The following SEMA5A variants were observed in gnomAD, a reference collection of about 807,000 sequenced individuals.
The protein encoded by SEMA5A is semaphorin 5A, also known as semaphorin-5A.
A neutral mutation model predicts 135.5 loss-of-function variants in SEMA5A; 55 were observed. The observed-to-expected ratio is 0.41, with a 90% CI of 0.33 to 0.51. SEMA5A has a LOEUF of 0.51. Ranked by LOEUF, SEMA5A falls within the 20% of genes least tolerant of loss-of-function variation. The pLI is 0.37. For synonymous variants in SEMA5A, 580 were observed against 546.5 expected (o/e 1.06, Z -0.85); for missense variants, 1,290 against 1,419.9 (o/e 0.91, Z 1.47).
chr5:9,368,838 G>C (rs1329259088), intron 3 of SEMA5A, among the ~76,000 whole-genome samples: 1 of 152,068 alleles, frequency 6.6e-6, no homozygotes, highest in African/African-American at 2.4e-5. Flanking sequence ...TAAGAATAAA[G>C]CTTCTATAAA....
intron 1 of SEMA5A, among the ~76,000 whole-genome samples, chr5:9,503,935 G>A (rs898217619): frequency 6.6e-6 from 1 of 152,142 alleles, no homozygotes; most frequent in African/African-American, 2.4e-5. Flanking sequence ...TACATTTCAC[G>A]GCTGGGCGCG....
At chr5:9,142,614 T>A (rs1742124749) in intron 12 of SEMA5A, among the ~76,000 whole-genome samples, 1 of 152,218 alleles carries the variant, frequency 6.6e-6, no homozygotes, top group Non-Finnish European at 1.5e-5. Context: ...GTCCCATTCC[T>A]AAGTACCATG....
intron 12 of SEMA5A, among the ~76,000 whole-genome samples, chr5:9,142,353 A>G (rs1424564717): frequency 2.6e-5 from 4 of 152,162 alleles, no homozygotes; most frequent in African/African-American, 9.7e-5. Context: ...GAGAACTTGG[A>G]GAGTTTGAAG....
intron 5 of SEMA5A, among the ~76,000 whole-genome samples, chr5:9,253,088 A>G (rs112928564): frequency 2.0e-4 from 31 of 152,244 alleles, no homozygotes; most frequent in African/African-American, 7.5e-4. Context: ...ATTCCTCCCT[A>G]TGCTATCACA....
In SEMA5A at chr5:9,444,233, A is replaced by C. The variant is rs79362613; in HGVS notation, c.-174-6381T>G. Among the ~76,000 whole-genome samples the C allele has an allele frequency of 1.4e-4, 21 of 151,704 alleles. 1 individual carries two copies. The highest frequency in any genetic ancestry group is 4.9e-4 in the African/African-American group (20 of 41,226). On this transcript the variant is annotated intron_variant, in intron 1 of 22. Coordinates refer to ENST00000382496, the MANE Select transcript of SEMA5A (RefSeq NM_003966.3). ...TGGGGAAAAGGTGGTGTTTGGTTAC[A>C]TGAGTAAGTGTAACCAAACTTTTGT...
Position 9,489,546 on chromosome 5 carries a change from G to A in SEMA5A, c.-174-51694C>T, listed in dbSNP as rs376055918. Among the ~76,000 whole-genome samples, 190 of 152,210 alleles carry A rather than the reference G, an allele frequency of 1.2e-3. 3 individuals carry two copies. The South Asian group carries it at 0.037, about 30-fold the overall frequency. On this transcript the variant is annotated intron_variant, in intron 1 of 22. Coordinates refer to ENST00000382496, the MANE Select transcript of SEMA5A (RefSeq NM_003966.3). Reference sequence around the variant, plus strand: ...ATGTTGTGGGTTACACGGCCAATATGTCTGATCTATAATATTCACTTTAAG... The same window carrying A: ...ATGTTGTGGGTTACACGGCCAATATATCTGATCTATAATATTCACTTTAAG...
chr5:9,217,084 C>A (rs956168304), intron 8 of SEMA5A, among the ~76,000 whole-genome samples: 1 of 152,060 alleles, frequency 6.6e-6, no homozygotes, highest in African/African-American at 2.4e-5. Context: ...ACACTGGCTG[C>A]GTGTTTAAGG....
Position 9,305,708 on chromosome 5 carries a change from G to GTGTATATATATATATATATATATA in SEMA5A, c.270+12663_270+12664insTATATATATATATATATATATACA, listed in dbSNP as rs1554017498. Among the ~76,000 whole-genome samples the GTGTATATATATATATATATATATA allele has an allele frequency of 1.1e-3, 150 of 139,136 alleles. 2 individuals carry two copies. Among genetic ancestry groups the GTGTATATATATATATATATATATA allele is most frequent in the East Asian group, 1.9e-3 (9 of 4,854 alleles). 91.3% of individuals were successfully genotyped at this position (139,136 alleles called of 152,430 possible). A position where few individuals can be genotyped will look rare whatever the true frequency, so the allele number is the denominator to read the frequency against. On this transcript the variant is annotated intron_variant, in intron 5 of 22. Transcript: ENST00000382496. ...CAGTATATATACTGTGTGTGTGTGC[G>GTGTATATATATATATATATATATA]TATATATATATATATATATTTACAC... is the stretch of plus-strand genomic sequence containing the variant.
chr5:9,371,373 A>G (rs891231226), intron 3 of SEMA5A, among the ~76,000 whole-genome samples: 4 of 152,218 alleles, frequency 2.6e-5, no homozygotes, highest in African/African-American at 9.6e-5. Context: ...ATCAATAACA[A>G]CATTAAAGTC....
intron 11 of SEMA5A, among the ~76,000 whole-genome samples, chr5:9,181,993 T>A (rs986907955): frequency 6.6e-6 from 1 of 152,222 alleles, no homozygotes. Flanking sequence ...CAATTTTCCA[T>A]GAAAGACAGC....
At chr5:9,262,789 T>G (rs907805155) in intron 5 of SEMA5A, among the ~76,000 whole-genome samples, 1 of 115,190 alleles carries the variant, frequency 8.7e-6, no homozygotes, top group Non-Finnish European at 1.8e-5. Context: ...GAGATATACC[T>G]AATGCTAGAT....
intron 1 of SEMA5A, among the ~76,000 whole-genome samples, chr5:9,453,937 T>A (rs957419119): frequency 3.9e-5 from 6 of 152,150 alleles, no homozygotes; most frequent in African/African-American, 1.4e-4. Context: ...AGAAGAGTAA[T>A]CAGCTCCACA....
At chr5:9,329,776 A>G (rs1753037488) in intron 4 of SEMA5A, among the ~76,000 whole-genome samples, 1 of 152,180 alleles carries the variant, frequency 6.6e-6, no homozygotes, top group Non-Finnish European at 1.5e-5. Context: ...TGGTATCCCC[A>G]GAGCATTGGC....
At chr5:9,354,383 A>G (rs1258180310) in intron 3 of SEMA5A, among the ~76,000 whole-genome samples, 1 of 151,840 alleles carries the variant, frequency 6.6e-6, no homozygotes, top group African/African-American at 2.4e-5. Context: ...CTTGTTTCCA[A>G]TTTTTCTTGA....
chr5:9,203,175 T>G (rs1745816046), intron 8 of SEMA5A, among the ~76,000 whole-genome samples: 1 of 152,246 alleles, frequency 6.6e-6, no homozygotes, highest in Non-Finnish European at 1.5e-5. Flanking sequence ...TTTAAAACTC[T>G]AATCACAAGG....
intron 2 of SEMA5A, among the ~76,000 whole-genome samples, chr5:9,410,439 G>A (rs371925693): frequency 5.9e-5 from 9 of 152,186 alleles, no homozygotes; most frequent in South Asian, 2.1e-4. Flanking sequence ...GTCAATCTCC[G>A]CAGGATTGGG....
intron 8 of SEMA5A, among the ~76,000 whole-genome samples, chr5:9,203,265 T>C (rs1201866295): frequency 1.3e-5 from 2 of 152,236 alleles, no homozygotes; most frequent in Admixed American, 6.5e-5. Context: ...AGGATAATTA[T>C]AGCAGTAACC....
At chr5:9,444,798 C>T (rs988727481) in intron 1 of SEMA5A, among the ~76,000 whole-genome samples, 4 of 152,044 alleles carry the variant, frequency 2.6e-5, no homozygotes, top group African/African-American at 9.7e-5. Context: ...TATAGTGGGC[C>T]CATCTCTTAA....
rs145867993 is a variant in SEMA5A at position 9,202,214 on chromosome 5, T to C, written c.673A>G (p.Ile225Val). The change falls in exon 9 of 23, where the codon ATC becomes GTC. Residue 225 changes from isoleucine to valine, a missense_variant. By Grantham distance (29) the Ile-to-Val change is conservative. Transcript: ENST00000382496. ...AAAAAGAAGTAGGTAAAATTTCCGA[T>C]GTCATAAGATGACACAAAGTTTGGC... ...NEPNFVSSYD[I>V]GNFTYFFFRE... 10 of 1,613,432 alleles carry C rather than the reference T, an allele frequency of 6.2e-6. No homozygotes were observed. The highest frequency in any genetic ancestry group is 8.5e-6 in the Non-Finnish European group (10 of 1,179,650).
Sources: allele counts gnomAD v4.1 joint callset (sites outside exome capture counted in the v4.1 genomes callset), GRCh38; gene constraint gnomAD v4.1.1; transcripts MANE v1.5; gene names NCBI Gene and HGNC (gene_info 2026-07-23, HGNC 2026-07-21).